WASL: variants seen among roughly 807,000 people sequenced by gnomAD.
The protein encoded by WASL is WASP like actin nucleation promoting factor.
In WASL, 20 loss-of-function variants were observed where a neutral mutation model predicts 55.5. The ratio of observed to expected loss-of-function variants is 0.36; its 90% confidence interval spans 0.25 to 0.52. WASL has a LOEUF of 0.52. WASL is among the 20% of genes least tolerant of loss of function. The probability of loss-of-function intolerance (pLI) is 0.92; values close to 1 mark genes in which losing one functional copy is unlikely to be tolerated. For synonymous variants in WASL, 249 were observed against 217.6 expected, an observed-to-expected ratio of 1.14 and a Z score of -1.27; for missense variants, 504 against 622.5, an observed-to-expected ratio of 0.81 and a Z score of 2.03.
intron 8 of WASL, among the ~76,000 whole-genome samples, chr7:123,694,500 A>AT (rs1428281537): frequency 6.6e-6 from 1 of 152,188 alleles, no homozygotes; most frequent in Admixed American, 6.5e-5. Context: ...TTTTGTATGG[A>AT]TTTTTATGAA....
chr7:123,718,033 A>C, intron 1 of WASL, among the ~76,000 whole-genome samples: 1 of 152,246 alleles, frequency 6.6e-6, no homozygotes, highest in East Asian at 1.9e-4. Context: ...GAAGTGATGA[A>C]TGAATACATG....
rs11550942 is a variant in WASL at position 123,748,954 on chromosome 7, C to A, written c.-220G>T. 0.014 allele frequency: 8,174 copies of A among 567,682 alleles called. 85 individuals are homozygous for A. The highest frequency in any genetic ancestry group is 0.02 in the Non-Finnish European group (6,421 of 321,904). 35.2% of individuals were successfully genotyped at this position (567,682 alleles called of 1,614,324 possible). A position where few individuals can be genotyped will look rare whatever the true frequency, so the allele number is the denominator to read the frequency against. On this transcript the variant is annotated 5_prime_UTR_variant, in exon 1 of 11. Transcript: ENST00000223023. ...AGAAAGGGAAGCTCCCGGCACCCGC[C>A]CGGCCAGGCTAGGGCCGGATGGTCG... is the stretch of plus-strand genomic sequence containing the variant.
intron 5 of WASL, among the ~76,000 whole-genome samples, chr7:123,700,185 AAAAAAAAAAAAAAAAAAAAAAAC>A (rs1193284806): frequency 1.3e-5 from 1 of 76,854 alleles, no homozygotes; most frequent in Non-Finnish European, 2.5e-5. Context: ...CAAAAAAAAA[AAAAAAAAAAAAAAAAAAAAAAAC>A]AACATTATTT....
chr7:123,735,775 C>G (rs115127204), intron 1 of WASL, among the ~76,000 whole-genome samples: 3 of 151,690 alleles, frequency 2.0e-5, no homozygotes, highest in African/African-American at 4.8e-5. Context: ...AGGAGGAAGA[C>G]GAGGAGGACA....
At chr7:123,736,520 A>C (rs1228817228) in intron 1 of WASL, among the ~76,000 whole-genome samples, 1 of 152,214 alleles carries the variant, frequency 6.6e-6, no homozygotes, top group Non-Finnish European at 1.5e-5. Flanking sequence ...ACAATACAGC[A>C]TAATAGTCGG....
rs116490568 is a variant in WASL, at chr7:123,711,766, C to T, written c.118-2543G>A. On this transcript the variant is annotated intron_variant, in intron 1 of 10. Coordinates refer to ENST00000223023, the MANE Select transcript of WASL (RefSeq NM_003941.4). ...ATCAATTCCATTCCTTCTTGTCTTT[C>T]GTAATTAAGAAGATATTAATGAAAA... 5.6e-3 allele frequency among the ~76,000 whole-genome samples: 858 copies of T among 152,082 alleles called. 10 individuals are homozygous for T. The highest frequency in any genetic ancestry group is 0.019 in the African/African-American group (796 of 41,486).
At chr7:123,720,211 T>C (rs1461800754) in intron 1 of WASL, 3 of 399,944 alleles carry the variant, frequency 7.5e-6, no homozygotes, top group Non-Finnish European at 1.4e-5. Context: ...AAAACCATTA[T>C]TTAAATCATT....
intron 8 of WASL, among the ~76,000 whole-genome samples, chr7:123,694,073 T>C (rs976513054): frequency 4.6e-5 from 7 of 152,160 alleles, no homozygotes; most frequent in African/African-American, 7.2e-5. Context: ...AACTACACTA[T>C]TATGAGTATG....
intron 9 of WASL, among the ~76,000 whole-genome samples, chr7:123,691,016 G>C (rs1277971833): frequency 6.6e-6 from 1 of 152,124 alleles, no homozygotes; most frequent in Non-Finnish European, 1.5e-5. Flanking sequence ...ATAGGTTTAA[G>C]TGTCATCCTG....
intron 2 of WASL, among the ~76,000 whole-genome samples, chr7:123,707,895 A>ACTAATTTAGCC (rs1328045758): frequency 6.6e-6 from 1 of 152,174 alleles, no homozygotes; most frequent in African/African-American, 2.4e-5. Context: ...ATTAAGATGC[A>ACTAATTTAGCC]CTAATTTAGC....
At chr7:123,694,208 A>G (rs6971373) in intron 8 of WASL, among the ~76,000 whole-genome samples, 3,466 of 152,304 alleles carry the variant, frequency 0.023, 81 homozygotes, top group Middle Eastern at 0.065. Context: ...AAACTGAAAT[A>G]CGAGGTCCTT....
At chr7:123,745,088 T>C (rs1001021075) in intron 1 of WASL, among the ~76,000 whole-genome samples, 3 of 152,182 alleles carry the variant, frequency 2.0e-5, no homozygotes, top group African/African-American at 2.4e-5. Flanking sequence ...AATAAAAATA[T>C]GTTTCTGTGT....
intron 9 of WASL, among the ~76,000 whole-genome samples, chr7:123,690,580 T>TCCAACACTTAGAATAGAAGATA (rs55769478): frequency 7.3e-6 from 1 of 136,250 alleles, no homozygotes. Context: ...ATGGCCCCCA[T>TCCAACACTTAGAATAGAAGATA]TCTTACACAT....
intron 7 of WASL, 128 bp from the exon 8 acceptor site, chr7:123,694,996 C>T (rs1423582889): frequency 1.1e-6 from 1 of 875,886 alleles, no homozygotes. Context: ...TACTTATGTG[C>T]TAACTAAAAT....
chr7:123,692,779 C>T lies in WASL; in HGVS notation c.915G>A (p.Arg305=), dbSNP rs1232768597. The T allele has an allele frequency of 6.8e-6, 10 of 1,470,154 alleles. No individual in the cohort carries two copies. Among genetic ancestry groups the T allele is most frequent in the Non-Finnish European group, 7.2e-6 (8 of 1,110,990 alleles). The allele number at this position is 1,470,154 out of a possible 1,614,324, so 91.1% of individuals were successfully genotyped here. ...GTGGTGGGGGAGGAGCGCCTCTTCCCCTAGCAGGAGGAGGAGGAGGACCTG... is the reference window on the plus strand; with the variant it reads ...GTGGTGGGGGAGGAGCGCCTCTTCCTCTAGCAGGAGGAGGAGGAGGACCTG... The part of the protein sequence containing the change: ...HNSGPPPPPA[R]GRGAPPPPPS... The change falls in exon 9 of 11, where the codon AGG becomes AGA. Residue 305 remains arginine, a synonymous_variant. Transcript: ENST00000223023.
intron 9 of WASL, among the ~76,000 whole-genome samples, chr7:123,692,118 C>T (rs548240132): frequency 1.6e-4 from 25 of 152,084 alleles, no homozygotes; most frequent in African/African-American, 5.8e-4. Flanking sequence ...CAGAAATACC[C>T]TACATTTGGA....
chr7:123,699,301 C>G (rs904208126), intron 5 of WASL, among the ~76,000 whole-genome samples: 1 of 152,122 alleles, frequency 6.6e-6, no homozygotes, highest in Non-Finnish European at 1.5e-5. Context: ...TCACTTGAAC[C>G]TGGGAGGCAG....
intron 1 of WASL, among the ~76,000 whole-genome samples, chr7:123,742,330 T>C (rs1386535763): frequency 6.6e-6 from 1 of 152,164 alleles, no homozygotes; most frequent in Non-Finnish European, 1.5e-5. Flanking sequence ...TTCACTAATA[T>C]AATAAGCCAT....
chr7:123,740,897 T>C (rs1436556005), intron 1 of WASL, among the ~76,000 whole-genome samples: 1 of 152,180 alleles, frequency 6.6e-6, no homozygotes, highest in Non-Finnish European at 1.5e-5. Flanking sequence ...ATTATTAACT[T>C]TGATGAGAAA....
Sources: allele counts gnomAD v4.1 joint callset (sites outside exome capture counted in the v4.1 genomes callset), GRCh38; gene constraint gnomAD v4.1.1; transcripts MANE v1.5; gene names NCBI Gene and HGNC (gene_info 2026-07-23, HGNC 2026-07-21).